The following GABRG3 variants were observed in gnomAD, a reference collection of about 807,000 sequenced individuals.
GABRG3 encodes gamma-aminobutyric acid receptor subunit gamma-3.
Under a neutral mutation model 48.8 loss-of-function variants are expected in GABRG3, and 25 were observed. That is an observed-to-expected ratio of 0.51 (90% CI 0.37 to 0.72). GABRG3 has a LOEUF of 0.72. Among genes scored for constraint, GABRG3 ranks in the 30% least tolerant of loss-of-function variants. GABRG3 has a pLI of 0.00. For synonymous variants in GABRG3, 227 were observed against 217.6 expected (o/e 1.04, Z -0.38); for missense variants, 394 against 577.9 (o/e 0.68, Z 3.26).
At chr15:27,027,977 T>C (rs1896013484) in intron 3 of GABRG3, among the ~76,000 whole-genome samples, 1 of 152,252 alleles carries the variant, frequency 6.6e-6, no homozygotes, top group Non-Finnish European at 1.5e-5. Context: ...AAAGAAGAAG[T>C]GCCTTCCTGG....
chr15:27,469,888 T>A (rs1398061863), intron 5 of GABRG3, among the ~76,000 whole-genome samples: 1 of 152,210 alleles, frequency 6.6e-6, no homozygotes, highest in East Asian at 1.9e-4. Context: ...TGCCTTACAA[T>A]GGAAAGAACA....
chr15:27,409,157 GA>G (rs1302801303), intron 5 of GABRG3, among the ~76,000 whole-genome samples: 1 of 151,872 alleles, frequency 6.6e-6, no homozygotes, highest in Non-Finnish European at 1.5e-5. Flanking sequence ...TCTTGCTTCT[GA>G]TATCATACCT....
intron 3 of GABRG3, among the ~76,000 whole-genome samples, chr15:27,153,540 C>T (rs1381439328): frequency 6.6e-6 from 1 of 152,074 alleles, no homozygotes; most frequent in East Asian, 1.9e-4. Context: ...AATTTTTATA[C>T]AATTCGTGTT....
chr15:27,027,817 C>T (rs1037177486), intron 3 of GABRG3, among the ~76,000 whole-genome samples: 14 of 152,148 alleles, frequency 9.2e-5, no homozygotes, highest in Admixed American at 2.0e-4. Context: ...TGTAATATTC[C>T]CTTTTCCTGA....
At chr15:27,062,623 C>A (rs139738349) in intron 3 of GABRG3, among the ~76,000 whole-genome samples, 101 of 151,470 alleles carry the variant, frequency 6.7e-4, no homozygotes, top group African/African-American at 2.3e-3. Flanking sequence ...ACAAACAAAC[C>A]AACAAAAACA....
At chr15:27,466,043 A>T (rs1408778341) in intron 5 of GABRG3, among the ~76,000 whole-genome samples, 1 of 152,238 alleles carries the variant, frequency 6.6e-6, no homozygotes, top group East Asian at 1.9e-4. Flanking sequence ...CTGGTAAAGA[A>T]GGAGCTGAGG....
At chr15:27,231,924 A>T (rs1889812925) in intron 3 of GABRG3, among the ~76,000 whole-genome samples, 1 of 152,176 alleles carries the variant, frequency 6.6e-6, no homozygotes, top group African/African-American at 2.4e-5. Context: ...GAGAAACTGT[A>T]ATGCTACTCT....
intron 3 of GABRG3, among the ~76,000 whole-genome samples, chr15:27,040,399 A>T (rs1189589638): frequency 6.6e-6 from 1 of 152,188 alleles, no homozygotes; most frequent in Non-Finnish European, 1.5e-5. Context: ...GTGTGTCCAG[A>T]GGAGAGTGAG....
chr15:27,130,186 G>T (rs1238201817), intron 3 of GABRG3, among the ~76,000 whole-genome samples: 1 of 151,928 alleles, frequency 6.6e-6, no homozygotes, highest in East Asian at 1.9e-4. Flanking sequence ...AGTTTTAGCT[G>T]GTATATGTAG....
chr15:27,306,489 TA>T (rs1245600848), intron 3 of GABRG3, among the ~76,000 whole-genome samples: 2 of 139,714 alleles, frequency 1.4e-5, no homozygotes, highest in African/African-American at 5.3e-5. Flanking sequence ...AACATATATA[TA>T]ATATAAACAT....
intron 3 of GABRG3, among the ~76,000 whole-genome samples, chr15:27,084,335 T>C (rs1897040837): frequency 6.6e-6 from 1 of 152,222 alleles, no homozygotes; most frequent in African/African-American, 2.4e-5. Context: ...ACATTTCTTA[T>C]TTTTTAGAAA....
intron 3 of GABRG3, among the ~76,000 whole-genome samples, chr15:27,224,136 T>C (rs1304491140): frequency 1.3e-5 from 2 of 152,224 alleles, no homozygotes; most frequent in African/African-American, 4.8e-5. Flanking sequence ...CTTCCCGGGC[T>C]GCTCCCTGCA....
chr15:27,334,349 C>A (rs539329199), intron 5 of GABRG3, among the ~76,000 whole-genome samples: 1 of 152,190 alleles, frequency 6.6e-6, no homozygotes, highest in Non-Finnish European at 1.5e-5. Flanking sequence ...TTCACCGGAC[C>A]TCGACATAAT....
intron 3 of GABRG3, among the ~76,000 whole-genome samples, chr15:27,286,467 G>A (rs1230573517): frequency 6.6e-6 from 1 of 152,076 alleles, no homozygotes; most frequent in Non-Finnish European, 1.5e-5. Flanking sequence ...CTTGGGATAG[G>A]GATACAGACA....
In GABRG3 at chr15:27,065,870, A is replaced by C. The variant is rs376723763; in HGVS notation, c.270+39049A>C. Among the ~76,000 whole-genome samples, 11 of 152,340 alleles carry C rather than the reference A, an allele frequency of 7.2e-5. No individual in the cohort carries two copies. In the East Asian group the frequency reaches 2.1e-3, roughly 29 times the overall value. ...TCCTCTCCGGGGAATTTAACTAGAC[A>C]GCTGCAACACTGTGTGGACTTCGGT... is the stretch of plus-strand genomic sequence containing the variant. On this transcript the variant is annotated intron_variant, in intron 3 of 9. Transcript: ENST00000615808.
chr15:27,118,203 C>T (rs1897674866), intron 3 of GABRG3, among the ~76,000 whole-genome samples: 2 of 152,126 alleles, frequency 1.3e-5, no homozygotes, highest in African/African-American at 4.8e-5. Flanking sequence ...CTCCAGATGA[C>T]TCTAATTTGT....
intron 3 of GABRG3, among the ~76,000 whole-genome samples, chr15:27,141,473 G>A (rs1049456935): frequency 2.0e-5 from 3 of 152,146 alleles, no homozygotes; most frequent in Non-Finnish European, 4.4e-5. Context: ...TAGGACTCAG[G>A]TCTATTGCAT....
chr15:27,134,376 C>T (rs549467458), intron 3 of GABRG3, among the ~76,000 whole-genome samples: 1 of 152,140 alleles, frequency 6.6e-6, no homozygotes, highest in Non-Finnish European at 1.5e-5. Context: ...AGAACCTCCC[C>T]CATCTCCAAT....
intron 3 of GABRG3, among the ~76,000 whole-genome samples, chr15:27,281,942 C>T (rs1018428395): frequency 2.6e-5 from 4 of 152,144 alleles, no homozygotes; most frequent in African/African-American, 9.7e-5. Flanking sequence ...ACTATTCCTT[C>T]ATTTGCAAAT....
Sources: gnomAD v4.1 joint callset for allele counts (sites outside exome capture counted in the v4.1 genomes callset) on GRCh38, gnomAD v4.1.1 for gene constraint, MANE v1.5 for transcripts, NCBI Gene and HGNC (gene_info 2026-07-23, HGNC 2026-07-21) for gene names.